Variants in MYO10 observed in about 807,000 individuals in gnomAD.
The protein encoded by MYO10 is myosin X, also known as unconventional myosin-X.
Under a neutral mutation model 257.3 loss-of-function variants are expected in MYO10, and 133 were observed. The observed-to-expected ratio is 0.52, with a 90% confidence interval of 0.45 to 0.60. The LOEUF is 0.60. MYO10 is among the 20% of genes least tolerant of loss of function. MYO10 has a pLI of 0.00. For missense variants in MYO10, 2,399 were observed against 2,635.7 expected (o/e 0.91, Z 1.97); for synonymous variants, 1,104 against 1,028.6 (o/e 1.07, Z -1.40).
At chr5:16,823,633 A>C (rs1337537452) in intron 2 of MYO10, among the ~76,000 whole-genome samples, 2 of 149,962 alleles carry the variant, frequency 1.3e-5, no homozygotes, top group Non-Finnish European at 3.0e-5. Context: ...CACCACGCCC[A>C]GCTCATTTTT....
At position 16,809,104 on chromosome 5, in the gene MYO10, A is replaced by T. The variant is rs547400073; in HGVS notation, c.279+8905T>A. Among the ~76,000 whole-genome samples the T allele has an allele frequency of 5.3e-5, 8 of 152,296 alleles. No individual in the cohort carries two copies. In the East Asian group the frequency reaches 1.3e-3, roughly 26 times the overall value. Reference sequence around the variant, plus strand: ...AGCATAAATGTTTGGTAAAGTTTTAAAATACATATAGTCAGACAGATGGTT... The same window carrying T: ...AGCATAAATGTTTGGTAAAGTTTTATAATACATATAGTCAGACAGATGGTT... On this transcript the variant is annotated intron_variant, in intron 3 of 40. Transcript: ENST00000513610.
chr5:16,703,552 G>C (rs1359426518), intron 22 of MYO10, among the ~76,000 whole-genome samples: 1 of 152,124 alleles, frequency 6.6e-6, no homozygotes, highest in Non-Finnish European at 1.5e-5. Context: ...TGTTTCACGG[G>C]CATAGTGGAT....
chr5:16,745,915 T>C (rs978547113), intron 19 of MYO10, among the ~76,000 whole-genome samples: 5 of 152,148 alleles, frequency 3.3e-5, no homozygotes, highest in Non-Finnish European at 1.5e-5. Flanking sequence ...CATGCTGTTG[T>C]TCTAAGAAAG....
intron 34 of MYO10, among the ~76,000 whole-genome samples, chr5:16,675,619 T>C (rs1437381316): frequency 6.6e-6 from 1 of 152,070 alleles, no homozygotes; most frequent in African/African-American, 2.4e-5. Flanking sequence ...GTGCTTGTAA[T>C]CCCGGCTACT....
At chr5:16,855,428 A>G (rs1265135475) in intron 2 of MYO10, among the ~76,000 whole-genome samples, 1 of 152,192 alleles carries the variant, frequency 6.6e-6, no homozygotes, top group East Asian at 1.9e-4. Flanking sequence ...CTTTTGGTGG[A>G]GGGAAAAAAA....
intron 2 of MYO10, among the ~76,000 whole-genome samples, chr5:16,859,738 C>T (rs1744057366): frequency 6.6e-6 from 1 of 152,208 alleles, no homozygotes; most frequent in Admixed American, 6.5e-5. Flanking sequence ...CAGGGTGACA[C>T]TAACTCAAAA....
At position 16,662,748 on chromosome 5, in the gene MYO10, AATC is replaced by A. The variant is rs771036303; in HGVS notation, c.*3941_*3943del. 6.6e-6 allele frequency: 1 copy of A among 152,156 alleles called. No individual in the cohort carries two copies. The highest frequency in any genetic ancestry group is 1.5e-5 in the Non-Finnish European group (1 of 68,042). 9.4% of individuals were successfully genotyped at this position (152,156 alleles called of 1,614,324 possible). ...GGAGGGACCTGATGGGAGGTAATTG[AATC>A]ATGGGGGTGGGTTTTCCCATGCTGT... On this transcript the variant is annotated 3_prime_UTR_variant, in exon 41 of 41. Coordinates refer to ENST00000513610, the MANE Select transcript of MYO10 (RefSeq NM_012334.3).
chr5:16,881,372 G>A (rs149679463), intron 1 of MYO10, among the ~76,000 whole-genome samples: 108 of 152,132 alleles, frequency 7.1e-4, no homozygotes, highest in African/African-American at 2.5e-3. Flanking sequence ...TTACCCTTTC[G>A]TTTGAAAGTA....
intron 2 of MYO10, among the ~76,000 whole-genome samples, chr5:16,864,260 T>A (rs1474494854): frequency 6.6e-6 from 1 of 152,152 alleles, no homozygotes; most frequent in Non-Finnish European, 1.5e-5. Context: ...GATGACTTAT[T>A]TGGCTTCATG....
chr5:16,671,984 A>G (rs1291315960), intron 37 of MYO10, among the ~76,000 whole-genome samples: 2 of 152,210 alleles, frequency 1.3e-5, no homozygotes, highest in Non-Finnish European at 2.9e-5. Context: ...GAGGATATGA[A>G]GTCACAGATC....
At chr5:16,821,225 C>CA (rs1484924001) in intron 2 of MYO10, among the ~76,000 whole-genome samples, 2 of 148,594 alleles carry the variant, frequency 1.3e-5, no homozygotes, top group African/African-American at 4.9e-5. Flanking sequence ...CCTGGTGCAT[C>CA]AAAAAAGACA....
At chr5:16,909,190 T>C (rs1580139853) in intron 1 of MYO10, among the ~76,000 whole-genome samples, 1 of 152,136 alleles carries the variant, frequency 6.6e-6, no homozygotes, top group Non-Finnish European at 1.5e-5. Flanking sequence ...TAAGAGGGCA[T>C]GTCCAGGGGA....
At chr5:16,762,477 C>T in intron 15 of MYO10, 68 bp downstream of exon 15, 1 of 1,260,346 alleles carries the variant, frequency 7.9e-7, no homozygotes, top group Admixed American at 2.0e-5. Context: ...ACTGACATGT[C>T]TGGTGTGTAA....
intron 2 of MYO10, among the ~76,000 whole-genome samples, chr5:16,866,343 G>A (rs533105409): frequency 6.6e-6 from 1 of 152,150 alleles, no homozygotes; most frequent in Non-Finnish European, 1.5e-5. Context: ...GAGCCATACT[G>A]TCATCAGACA....
intron 11 of MYO10, among the ~76,000 whole-genome samples, chr5:16,764,992 G>C (rs1198007282): frequency 6.6e-6 from 1 of 151,978 alleles, no homozygotes; most frequent in Non-Finnish European, 1.5e-5. Context: ...CCTGGCACCA[G>C]GTTTAAAACA....
chr5:16,676,107 G>T lies in MYO10; in HGVS notation c.4590C>A (p.Asn1530Lys). 1 of 1,613,450 alleles carries T rather than the reference G, an allele frequency of 6.2e-7. No individual in the cohort carries two copies. Among genetic ancestry groups the T allele is most frequent in the Non-Finnish European group, 8.5e-7 (1 of 1,179,724 alleles). ...GGTGATGGGTGTATCGAAGGATCGG[G>T]TTCCGCTTGTAAATCTGTTCCACCA... ...SDVVEQIYKR[N>K]PILRYTHHPL... Residue 1530 changes from asparagine to lysine, a missense_variant, in exon 34 of 41, where the codon AAC becomes AAA. Asn to Lys is a moderately conservative substitution (Grantham distance 94). Coordinates refer to ENST00000513610, the MANE Select transcript of MYO10 (RefSeq NM_012334.3).
Position 16,673,775 on chromosome 5 carries a change from A to C in MYO10, c.5079T>G (p.Ala1693=). 1 of 1,613,906 alleles carries C rather than the reference A, an allele frequency of 6.2e-7. No homozygotes were observed. Among genetic ancestry groups the C allele is most frequent in the Non-Finnish European group, 8.5e-7 (1 of 1,179,888 alleles). Residue 1693 remains alanine, a synonymous_variant, in exon 36 of 41, where the codon GCT becomes GCG. Coordinates refer to ENST00000513610, the MANE Select transcript of MYO10 (RefSeq NM_012334.3). ...ATGTCATTTCCTGCCTGTGGATCAG[A>C]GCTTCTATTTCATCTCGGGAAGGCA... The part of the protein sequence containing the change: ...EFVPSRDEIE[A]LIHRQEMTST...
rs762308829 is a variant in MYO10 at position 16,818,031 on chromosome 5, C to T, written c.257G>A (p.Arg86Gln). The T allele has an allele frequency of 6.3e-6, 10 of 1,589,870 alleles. No homozygotes were observed. The highest frequency in any genetic ancestry group is 5.4e-5 in the African/African-American group (4 of 74,548). ...GGSIMYNLFQ[R>Q]YKRNQIYTYI... ...TACATATATTTGATTTCTCTTATAC[C>T]GCTGGAATAAGTTATACATGATGGA... Residue 86 changes from arginine to glutamine, a missense_variant, in exon 3 of 41, where the codon CGG becomes CAG. Physicochemically the swap from Arg to Gln is conservative, Grantham distance 43. Transcript: ENST00000513610.
chr5:16,826,072 C>T lies in MYO10; in HGVS notation c.121-7905G>A, dbSNP rs1485332551. Among the ~76,000 whole-genome samples, 5 of 151,990 alleles carry T rather than the reference C, an allele frequency of 3.3e-5. No homozygotes were observed. In the South Asian group the frequency reaches 8.3e-4, roughly 25 times the overall value. On this transcript the variant is annotated intron_variant, in intron 2 of 40. Transcript: ENST00000513610. Reference sequence around the variant, plus strand: ...CAGAGGCAAAAGAATCGCTTGAACCCGGGAGGCGGAGGTTACAGTGAGCCA... The same window carrying T: ...CAGAGGCAAAAGAATCGCTTGAACCTGGGAGGCGGAGGTTACAGTGAGCCA...
Sources: gnomAD v4.1 joint callset for allele counts (sites outside exome capture counted in the v4.1 genomes callset) on GRCh38, gnomAD v4.1.1 for gene constraint, MANE v1.5 for transcripts, NCBI Gene and HGNC (gene_info 2026-07-23, HGNC 2026-07-21) for gene names.